ADCY10: variants seen among roughly 807,000 people sequenced by gnomAD.
The protein encoded by ADCY10 is adenylate cyclase 10.
In ADCY10, 156 loss-of-function variants were observed where a neutral mutation model predicts 183.3. The ratio of observed to expected loss-of-function variants is 0.85; its 90% CI spans 0.75 to 0.97. ADCY10 has a LOEUF of 0.97. ADCY10 is among the 50% of genes least tolerant of loss of function. ADCY10 has a pLI of 0.00. For synonymous variants in ADCY10, 645 were observed against 670.0 expected, an observed-to-expected ratio of 0.96 and a Z score of 0.58; for missense variants, 1,745 against 1,934.3, an observed-to-expected ratio of 0.90 and a Z score of 1.84.
rs1362559914 is a variant in ADCY10 at position 167,809,489 on chromosome 1, G to C, written c.*189C>G. 6 of 643,180 alleles carry C rather than the reference G, an allele frequency of 9.3e-6. No homozygotes were observed. In the African/African-American group the frequency reaches 1.1e-4, roughly 12 times the overall value. 39.8% of individuals were successfully genotyped at this position (643,180 alleles called of 1,614,324 possible). A position where few individuals can be genotyped will look rare whatever the true frequency, so the allele number is the denominator to read the frequency against. ...TAAAAGCAATTTTTTGTAACATTAG[G>C]AAGAAGTAAACCATGACACTCCTGA... is the stretch of plus-strand genomic sequence containing the variant. On this transcript the variant is annotated 3_prime_UTR_variant, in exon 33 of 33. Coordinates refer to ENST00000367851, the MANE Select transcript of ADCY10 (RefSeq NM_018417.6).
Position 167,848,472 on chromosome 1 carries a change from T to C in ADCY10, c.2326A>G (p.Thr776Ala). 1 of 1,613,628 alleles carries C rather than the reference T, an allele frequency of 6.2e-7. No individual in the cohort carries two copies. Among genetic ancestry groups the C allele is most frequent in the Non-Finnish European group, 8.5e-7 (1 of 1,179,552 alleles). ...AGAGTAACCATGTTTAACTTCTCTG[T>C]TAGCTTAATGGAATACTCTACAGGG... Reference protein sequence around the residue: ...NNLFKYSIKLTEKLNMVTLHS... With the variant: ...NNLFKYSIKLAEKLNMVTLHS... The change falls in exon 19 of 33, where the codon ACA becomes GCA. Residue 776 changes from threonine (T) to alanine (A), a missense_variant. Coordinates refer to ENST00000367851, the MANE Select transcript of ADCY10 (RefSeq NM_018417.6).
chr1:167,863,034 C>T (rs965622432), intron 14 of ADCY10, among the ~76,000 whole-genome samples: 3 of 152,160 alleles, frequency 2.0e-5, no homozygotes, highest in Admixed American at 2.0e-4. Flanking sequence ...ATCCAAAGAC[C>T]TCTTATTCTC....
At chr1:167,894,852 A>G (rs531137018) in intron 7 of ADCY10, among the ~76,000 whole-genome samples, 108 of 152,300 alleles carry the variant, frequency 7.1e-4, no homozygotes, top group African/African-American at 2.5e-3. Context: ...GATTCAACCA[A>G]TGAAATCCTG....
intron 30 of ADCY10, among the ~76,000 whole-genome samples, chr1:167,821,532 G>C (rs1293055283): frequency 6.6e-6 from 1 of 152,362 alleles, no homozygotes; most frequent in African/African-American, 2.4e-5. Context: ...CTCCATGTGA[G>C]TAGACCTACA....
chr1:167,899,792 C>T (rs555484638), intron 5 of ADCY10, among the ~76,000 whole-genome samples, 164 bp from the exon 6 acceptor site: 2 of 152,296 alleles, frequency 1.3e-5, no homozygotes, highest in South Asian at 2.1e-4. Context: ...CTTTTGGGCT[C>T]GGGCCTTCCA....
At chr1:167,840,501 C>G (rs574785385) in intron 21 of ADCY10, among the ~76,000 whole-genome samples, 1 of 151,838 alleles carries the variant, frequency 6.6e-6, no homozygotes, top group African/African-American at 2.4e-5. Context: ...GGACTATAGG[C>G]GTGTCCCACC....
At chr1:167,907,171 G>A (rs1669876906) in intron 1 of ADCY10, among the ~76,000 whole-genome samples, 1 of 152,192 alleles carries the variant, frequency 6.6e-6, no homozygotes, top group Non-Finnish European at 1.5e-5. Flanking sequence ...AAACCATGGA[G>A]AACAAGAGAT....
intron 12 of ADCY10, among the ~76,000 whole-genome samples, chr1:167,878,071 T>C (rs1667602425): frequency 6.6e-6 from 1 of 152,226 alleles, no homozygotes; most frequent in African/African-American, 2.4e-5. Context: ...TAATATCTTA[T>C]ACTCTTTTAA....
chr1:167,821,959 A>G, intron 30 of ADCY10, 65 bp downstream of exon 30: 1 of 1,136,726 alleles, frequency 8.8e-7, no homozygotes, highest in Non-Finnish European at 1.3e-6. Flanking sequence ...AGATTTTTCA[A>G]GAACTCTTCC....
In ADCY10 at chr1:167,818,138, A is replaced by G. The variant is rs752823839; in HGVS notation, c.4416T>C (p.Leu1472=). Residue 1472 remains leucine, a synonymous_variant, in exon 31 of 33, where the codon CTT becomes CTC. Transcript: ENST00000367851. ...GTTCTTTGATTTGTTTTTGAAGGTG[A>G]AGAACTTGCCCCTCCATGTACCTAG... ...GISRYMEGQV[L]HLQKQIKEQS... The G allele has an allele frequency of 6.2e-7, 1 of 1,614,202 alleles. No homozygotes were observed. Among genetic ancestry groups the G allele is most frequent in the East Asian group, 2.2e-5 (1 of 44,884 alleles).
chr1:167,870,415 T>C lies in ADCY10; in HGVS notation c.1463-5A>G. ...AGTTGATCTCTTTATTACGTCCTGTTATTTTTAGTTTTAAAAAAGAGCAAA... is the reference window on the plus strand; with the variant it reads ...AGTTGATCTCTTTATTACGTCCTGTCATTTTTAGTTTTAAAAAAGAGCAAA... On this transcript the variant is annotated splice_region_variant and splice_polypyrimidine_tract_variant and intron_variant, in intron 13 of 32. Transcript: ENST00000367851. 2 of 1,604,404 alleles carry C rather than the reference T, an allele frequency of 1.2e-6. No homozygotes were observed. The highest frequency in any genetic ancestry group is 1.7e-6 in the Non-Finnish European group (2 of 1,172,410).
chr1:167,844,941 C>T (rs1664893973), intron 21 of ADCY10, among the ~76,000 whole-genome samples: 1 of 152,170 alleles, frequency 6.6e-6, no homozygotes, highest in African/African-American at 2.4e-5. Context: ...GTCTGACACC[C>T]ATCATGCCCA....
Position 167,904,011 on chromosome 1 carries a change from G to A in ADCY10, c.149-20C>T. 6.4e-7 allele frequency: 1 copy of A among 1,557,574 alleles called. No individual in the cohort carries two copies. On this transcript the variant is annotated intron_variant, in intron 2 of 32. Transcript: ENST00000367851. Reference sequence around the variant, plus strand: ...TAAAACCTGGAATAAATGTGCAGCTGGTTTCCTTGGCTGCTTGGGGGAATC... The same window carrying A: ...TAAAACCTGGAATAAATGTGCAGCTAGTTTCCTTGGCTGCTTGGGGGAATC...
chr1:167,879,912 A>T (rs543254885), intron 11 of ADCY10, among the ~76,000 whole-genome samples: 73 of 152,274 alleles, frequency 4.8e-4, no homozygotes, highest in African/African-American at 1.7e-3. Context: ...TCATGACTAC[A>T]TATTTCTCTA....
intron 16 of ADCY10, 150 bp downstream of exon 16, chr1:167,859,657 G>C: frequency 1.3e-6 from 1 of 747,268 alleles, no homozygotes; most frequent in Admixed American, 1.9e-5. Flanking sequence ...AGGTTTGGAA[G>C]GATGGAGGAG....
intron 21 of ADCY10, among the ~76,000 whole-genome samples, chr1:167,838,285 C>T (rs1664373065): frequency 6.6e-6 from 1 of 152,174 alleles, no homozygotes; most frequent in South Asian, 2.1e-4. Context: ...GCCACCTCTT[C>T]TCCTAGATTA....
chr1:167,843,894 C>T (rs1183687373), intron 21 of ADCY10, among the ~76,000 whole-genome samples: 3 of 152,218 alleles, frequency 2.0e-5, no homozygotes, highest in African/African-American at 7.2e-5. Context: ...CCAAAGAGAT[C>T]TCTTCACAAA....
rs1259753054 is a variant in ADCY10 at position 167,848,637 on chromosome 1, T to TTGTTTTGTTTTGTTTTG, written c.2309-165_2309-149dup. ...ACCAAATATTCTGGAAACCTTTTTT[T>TTGTTTTGTTTTGTTTTG]TGTTTTGTTTTGTTTTGTTTTTTGT... On this transcript the variant is annotated intron_variant, in intron 18 of 32. Transcript: ENST00000367851. 168 of 864,350 alleles carry TTGTTTTGTTTTGTTTTG rather than the reference T, an allele frequency of 1.9e-4. No individual in the cohort carries two copies. In the African/African-American group the frequency reaches 2.1e-3, roughly 11 times the overall value. The allele number at this position is 864,350 out of a possible 1,614,324, so 53.5% of individuals were successfully genotyped here.
intron 31 of ADCY10, 54 bp downstream of exon 31, chr1:167,818,018 A>G: frequency 6.6e-7 from 1 of 1,507,610 alleles, no homozygotes; most frequent in Non-Finnish European, 9.2e-7. Flanking sequence ...CAGGAAGTAG[A>G]CAGAGATCCA....
Sources: gnomAD v4.1 joint callset for allele counts (sites outside exome capture counted in the v4.1 genomes callset) on GRCh38, gnomAD v4.1.1 for gene constraint, MANE v1.5 for transcripts, NCBI Gene and HGNC (gene_info 2026-07-23, HGNC 2026-07-21) for gene names.